TMEM184C: variants seen among roughly 807,000 people sequenced by gnomAD.
The protein encoded by TMEM184C is transmembrane protein 34.
A neutral mutation model predicts 54.5 loss-of-function variants in TMEM184C; 25 were observed. The observed-to-expected ratio is 0.46, with a 90% CI of 0.33 to 0.64. TMEM184C has a LOEUF of 0.64. Among genes scored for constraint, TMEM184C ranks in the 30% least tolerant of loss-of-function variants. The probability of loss-of-function intolerance (pLI) is 0.02; values close to 1 mark genes in which losing one functional copy is unlikely to be tolerated. For synonymous variants in TMEM184C, 148 were observed against 181.5 expected, an observed-to-expected ratio of 0.82 and a Z score of 1.49; for missense variants, 335 against 520.3, an observed-to-expected ratio of 0.64 and a Z score of 3.46.
In TMEM184C at chr4:147,626,810, A is replaced by G. The variant is rs192118698; in HGVS notation, c.498-1551A>G. ...ATTTCAGGAAATGCAATGAAGGAAG[A>G]AGGACAGGAGGCCATGAGAGAATAG... On this transcript the variant is annotated intron_variant, in intron 4 of 9. Transcript: ENST00000296582. Among the ~76,000 whole-genome samples the G allele has an allele frequency of 3.6e-3, 551 of 152,362 alleles. 1 individual carries two copies. The highest frequency in any genetic ancestry group is 6.2e-3 in the Non-Finnish European group (419 of 68,038).
rs932775239 is a variant in TMEM184C, at chr4:147,623,684, C to T, written c.124-150C>T. ...TAGTGACGGGTTCTCACTTTGTAGG[C>T]CCAGGCTGGTTTCAAACTCCTGGCC... On this transcript the variant is annotated intron_variant, in intron 1 of 9. Coordinates refer to ENST00000296582, the MANE Select transcript of TMEM184C (RefSeq NM_018241.3). The T allele has an allele frequency of 2.6e-5, 16 of 606,156 alleles. No homozygotes were observed. In the African/African-American group the frequency reaches 2.9e-4, roughly 11 times the overall value. The allele number at this position is 606,156 out of a possible 1,614,324, so 37.5% of individuals were successfully genotyped here. A position where few individuals can be genotyped will look rare whatever the true frequency, so the allele number is the denominator to read the frequency against.
chr4:147,618,208 A>G, intron 1 of TMEM184C, 129 bp downstream of exon 1: 1 of 1,356,784 alleles, frequency 7.4e-7, no homozygotes, highest in Admixed American at 1.9e-5. Flanking sequence ...GCCTACTCTT[A>G]GGATATAAAC....
intron 1 of TMEM184C, among the ~76,000 whole-genome samples, chr4:147,619,825 ACTCTT>A (rs1286675558): frequency 1.3e-5 from 2 of 151,898 alleles, no homozygotes; most frequent in African/African-American, 4.8e-5. Context: ...TCTTGCTTGG[ACTCTT>A]CTCAACACAC....
chr4:147,633,167 T>C (rs1732946512), intron 8 of TMEM184C, among the ~76,000 whole-genome samples, 165 bp downstream of exon 8: 1 of 152,140 alleles, frequency 6.6e-6, no homozygotes, highest in South Asian at 2.1e-4. Flanking sequence ...TACTAATTTG[T>C]AGCAGATCCA....
intron 1 of TMEM184C, among the ~76,000 whole-genome samples, chr4:147,621,227 T>C (rs961268873): frequency 2.0e-5 from 3 of 152,082 alleles, no homozygotes; most frequent in Non-Finnish European, 4.4e-5. Context: ...TTCTACTCTC[T>C]CCCCTCAGGA....
rs770562216 is a variant in TMEM184C at position 147,618,104 on chromosome 4, C to A, written c.123+25C>A. On this transcript the variant is annotated intron_variant, in intron 1 of 9. Coordinates refer to ENST00000296582, the MANE Select transcript of TMEM184C (RefSeq NM_018241.3). ...GGTAAGAGGGTTCTGCACCATCAGC[C>A]TGTACACTTTCTTCTACCCATCTAT... is the stretch of plus-strand genomic sequence containing the variant. 4.3e-6 allele frequency: 7 copies of A among 1,613,540 alleles called. No individual in the cohort carries two copies. In the South Asian group the frequency reaches 5.5e-5, roughly 13 times the overall value.
rs377156666 is a variant in TMEM184C at position 147,617,866 on chromosome 4, G to A, written c.-91G>A. ...CGACAGCTTTTTCTCCGTAGTATGC[G>A]AGTTGACAAAACAGCCAGAGAACAG... On this transcript the variant is annotated 5_prime_UTR_variant, in exon 1 of 10. Transcript: ENST00000296582. 1.1e-5 allele frequency: 18 copies of A among 1,576,476 alleles called. No homozygotes were observed. The African/African-American group carries it at 1.2e-4, about 11-fold the overall frequency.
chr4:147,633,464 A>G (rs898918572), intron 8 of TMEM184C, among the ~76,000 whole-genome samples: 1 of 151,748 alleles, frequency 6.6e-6, no homozygotes, highest in African/African-American at 2.4e-5. Context: ...TTAGCCAGGC[A>G]TGACAGCACA....
In TMEM184C at chr4:147,634,728, CTTTTT is replaced by C; in HGVS notation, c.*302_*306del. 1 of 184,862 alleles carries C rather than the reference CTTTTT, an allele frequency of 5.4e-6. No individual in the cohort carries two copies. The highest frequency in any genetic ancestry group is 1.2e-4 in the South Asian group (1 of 8,318). 11.5% of individuals were successfully genotyped at this position (184,862 alleles called of 1,614,324 possible). On this transcript the variant is annotated 3_prime_UTR_variant, in exon 10 of 10. Transcript: ENST00000296582. ...TACACTGCTTTATCAAGAGGATGGA[CTTTTT>C]TTTTTTTGAGACAGACAGAGTCTTG...
chr4:147,622,973 G>T (rs1732739561), intron 1 of TMEM184C, among the ~76,000 whole-genome samples: 1 of 152,062 alleles, frequency 6.6e-6, no homozygotes. Context: ...TGCTCAGGCT[G>T]GGCTGGATGG....
chr4:147,631,307 C>G (rs1231249614), intron 6 of TMEM184C, 86 bp from the exon 7 acceptor site: 3 of 971,366 alleles, frequency 3.1e-6, no homozygotes, highest in Non-Finnish European at 3.0e-6. Context: ...AAACATTACT[C>G]TGTACCAGGT....
At chr4:147,628,325 G>A (rs1189017681) in intron 4 of TMEM184C, 36 bp from the exon 5 acceptor site, 23 of 1,528,322 alleles carry the variant, frequency 1.5e-5, no homozygotes, top group Non-Finnish European at 2.0e-5. Context: ...CTATTTAAAT[G>A]AGTAGTTGAA....
chr4:147,623,430 C>T (rs11733981), intron 1 of TMEM184C, among the ~76,000 whole-genome samples: 1 of 146,238 alleles, frequency 6.8e-6, no homozygotes, highest in Admixed American at 6.8e-5. Flanking sequence ...GCAAAACTGT[C>T]TCAAAAAAAA....
intron 1 of TMEM184C, among the ~76,000 whole-genome samples, chr4:147,621,985 C>CTTTTT (rs199693141): frequency 1.9e-5 from 1 of 53,180 alleles, no homozygotes; most frequent in Admixed American, 3.3e-4. Flanking sequence ...TTCTTTTTTT[C>CTTTTT]TTTCTTTTTT....
chr4:147,632,388 G>T (rs181908720), intron 7 of TMEM184C, among the ~76,000 whole-genome samples: 5 of 151,906 alleles, frequency 3.3e-5, no homozygotes, highest in Admixed American at 6.6e-5. Flanking sequence ...TTTGGAATTC[G>T]ACAATGTTCA....
intron 4 of TMEM184C, among the ~76,000 whole-genome samples, chr4:147,628,109 T>C (rs1355417778): frequency 6.6e-6 from 1 of 152,202 alleles, no homozygotes; most frequent in African/African-American, 2.4e-5. Flanking sequence ...CAGTAAGCCA[T>C]GTTCACACCA....
At chr4:147,630,213 T>A (rs983139541) in intron 6 of TMEM184C, among the ~76,000 whole-genome samples, 1 of 152,086 alleles carries the variant, frequency 6.6e-6, no homozygotes, top group East Asian at 1.9e-4. Flanking sequence ...CAAAGACCTA[T>A]GATGTAATGT....
In TMEM184C at chr4:147,635,884, T is replaced by C. The variant is rs1362729535; in HGVS notation, c.*1450T>C. On this transcript the variant is annotated 3_prime_UTR_variant, in exon 10 of 10. Transcript: ENST00000296582. Reference sequence around the variant, plus strand: ...ACCTAACTGAAAAATTAAGATGCCATTTATGATAGCATAAAAAAAATACTT... The same window carrying C: ...ACCTAACTGAAAAATTAAGATGCCACTTATGATAGCATAAAAAAAATACTT... 1 of 152,124 alleles carries C rather than the reference T, an allele frequency of 6.6e-6. No individual in the cohort carries two copies. Among genetic ancestry groups the C allele is most frequent in the Non-Finnish European group, 1.5e-5 (1 of 68,004 alleles). The allele number at this position is 152,124 out of a possible 1,614,324, so 9.4% of individuals were successfully genotyped here. A position where few individuals can be genotyped will look rare whatever the true frequency, so the allele number is the denominator to read the frequency against.
chr4:147,627,020 G>A (rs190076400), intron 4 of TMEM184C, among the ~76,000 whole-genome samples: 27 of 152,292 alleles, frequency 1.8e-4, no homozygotes, highest in Admixed American at 1.7e-3. Flanking sequence ...CTTGCTAAAG[G>A]CAGGCCAAGG....
Sources: gnomAD v4.1 joint callset for allele counts (sites outside exome capture counted in the v4.1 genomes callset) on GRCh38, gnomAD v4.1.1 for gene constraint, MANE v1.5 for transcripts, NCBI Gene and HGNC (gene_info 2026-07-23, HGNC 2026-07-21) for gene names.